ZNF71: variants seen among roughly 807,000 people sequenced by gnomAD.
ZNF71 encodes the protein zinc finger protein 71, also known as endothelial zinc finger protein induced by tumor necrosis factor alpha.
A neutral mutation model predicts 6.7 loss-of-function variants in ZNF71; 3 were observed. That is an observed-to-expected ratio of 0.45 (90% CI 0.20 to 1.16). The LOEUF (loss-of-function observed/expected upper bound fraction) is 1.16, where lower values mean the gene tolerates loss of function less well. Among genes scored for constraint, ZNF71 ranks in the 50% most tolerant of loss-of-function variants. The pLI is 0.25. For missense variants in ZNF71, 688 were observed against 728.6 expected (o/e 0.94, Z 0.64); for synonymous variants, 343 against 311.1 (o/e 1.10, Z -1.08).
Position 56,597,105 on chromosome 19 carries a change from C to T in ZNF71, c.-53+1677C>T, listed in dbSNP as rs765128521. ...TTTTGTTATTTCATTAATAGGAAGA[C>T]AAATGTAATCTAGGCTGGATTAGAT... is the stretch of plus-strand genomic sequence containing the variant. On this transcript the variant is annotated intron_variant, in intron 1 of 3. Coordinates refer to ENST00000599599, the MANE Select transcript of ZNF71 (RefSeq NM_001370215.1). Among the ~76,000 whole-genome samples, 8 of 152,160 alleles carry T rather than the reference C, an allele frequency of 5.3e-5. No individual in the cohort carries two copies. In the South Asian group the frequency reaches 6.2e-4, roughly 12 times the overall value.
intron 1 of ZNF71, among the ~76,000 whole-genome samples, chr19:56,595,670 G>A (rs757197417): frequency 3.9e-5 from 6 of 152,152 alleles, no homozygotes; most frequent in Non-Finnish European, 8.8e-5. Flanking sequence ...CCATCCTGGG[G>A]GGAAGGTGGC....
In ZNF71 at chr19:56,616,673, TC is replaced by T. The variant is rs1388785359; in HGVS notation, c.160+2737del. ...TAGTCTGCTAAATACTGGAGGGAGT[TC>T]CTTGCAGGTCTTCAGAACACTGTGC... On this transcript the variant is annotated intron_variant, in intron 3 of 3. Transcript: ENST00000599599. 2.0e-5 allele frequency among the ~76,000 whole-genome samples: 3 copies of T among 152,208 alleles called. No individual in the cohort carries two copies. The East Asian group carries it at 5.8e-4, about 29-fold the overall frequency.
In ZNF71 at chr19:56,622,388, C is replaced by G. The variant is rs2044865518; in HGVS notation, c.1281C>G (p.Ser427=). The G allele has an allele frequency of 6.2e-7, 1 of 1,613,490 alleles. No homozygotes were observed. Among genetic ancestry groups the G allele is most frequent in the East Asian group, 2.2e-5 (1 of 44,724 alleles). The part of the protein sequence containing the change: ...SECGKAFSKN[S]SLTQHQRIHT... ...GCGGCAAGGCCTTCAGCAAGAACTC[C>G]TCGCTCACGCAGCACCAGCGCATCC... Residue 427 remains serine, a synonymous_variant, in exon 4 of 4, where the codon TCC becomes TCG. Transcript: ENST00000599599.
intron 2 of ZNF71, among the ~76,000 whole-genome samples, chr19:56,608,326 T>C (rs553521431): frequency 1.3e-5 from 2 of 152,258 alleles, no homozygotes; most frequent in South Asian, 4.1e-4. Flanking sequence ...CACAAGTCTC[T>C]ATAAATTTGA....
chr19:56,620,148 C>G (rs911562657), intron 3 of ZNF71, among the ~76,000 whole-genome samples: 2 of 152,128 alleles, frequency 1.3e-5, no homozygotes, highest in African/African-American at 2.4e-5. Flanking sequence ...TGTATGAACA[C>G]TTAGTGCTGA....
chr19:56,621,669 A>C lies in ZNF71; in HGVS notation c.562A>C (p.Lys188Gln), dbSNP rs1445007400. 3 of 1,614,198 alleles carry C rather than the reference A, an allele frequency of 1.9e-6. No homozygotes were observed. Among genetic ancestry groups the C allele is most frequent in the Non-Finnish European group, 2.5e-6 (3 of 1,180,042 alleles). ...SKPPMPCEEK[K>Q]TYDCSECGKA... ...GCCCCCCATGCCCTGCGAGGAGAAG[A>C]AAACCTACGACTGCAGCGAGTGTGG... The change falls in exon 4 of 4, where the codon AAA becomes CAA. Residue 188 changes from lysine (K) to glutamine (Q), a missense_variant. Coordinates refer to ENST00000599599, the MANE Select transcript of ZNF71 (RefSeq NM_001370215.1).
chr19:56,624,451 T>C lies in ZNF71; in HGVS notation c.*1694T>C, dbSNP rs1237228954. The C allele has an allele frequency of 5.3e-5, 8 of 152,234 alleles. No homozygotes were observed. The highest frequency in any genetic ancestry group is 2.0e-4 in the Admixed American group (3 of 15,284). 9.4% of individuals were successfully genotyped at this position (152,234 alleles called of 1,614,324 possible). A position where few individuals can be genotyped will look rare whatever the true frequency, so the allele number is the denominator to read the frequency against. On this transcript the variant is annotated 3_prime_UTR_variant, in exon 4 of 4. Transcript: ENST00000599599. ...GATCAGACATTGCTTTAGTTGCATC[T>C]GTTGTGGGAATAAATGAGAATATGT...
rs1199293681 is a variant in ZNF71, at chr19:56,618,123, A to T, written c.161-3145A>T. 6.6e-6 allele frequency among the ~76,000 whole-genome samples: 1 copy of T among 152,176 alleles called. No homozygotes were observed. Among genetic ancestry groups the T allele is most frequent in the Non-Finnish European group, 1.5e-5 (1 of 68,030 alleles). On this transcript the variant is annotated intron_variant, in intron 3 of 3. Transcript: ENST00000599599. This position sits in a 1 kb window ranked among gnomAD's most constrained non-coding sequence, Gnocchi z 4.6. ...CATTCTCCTGCATGAAGTATTTCTC[A>T]GTTCTTTTCCTCTGAGATGGGAAAA...
chr19:56,613,254 C>A lies in ZNF71; in HGVS notation c.34-558C>A, dbSNP rs893984071. Among the ~76,000 whole-genome samples the A allele has an allele frequency of 6.6e-6, 1 of 152,230 alleles. No individual in the cohort carries two copies. Among genetic ancestry groups the A allele is most frequent in the African/African-American group, 2.4e-5 (1 of 41,460 alleles). On this transcript the variant is annotated intron_variant, in intron 2 of 3. Transcript: ENST00000599599. This position sits in a 1 kb window ranked among gnomAD's most constrained non-coding sequence, Gnocchi z 4.6. ...AACCACCAGTTCTCTTCACAGACTA[C>A]TCAAAGTCTTCCTGGGCACCCCCCA...
At position 56,618,028 on chromosome 19, in the gene ZNF71, C is replaced by A. The variant is rs1211857947; in HGVS notation, c.161-3240C>A. Reference sequence around the variant, plus strand: ...CAGTCTTCTCTCCACCGAGTCTACACCCCACACTACCATCTGTGCCAGCAT... The same window carrying A: ...CAGTCTTCTCTCCACCGAGTCTACAACCCACACTACCATCTGTGCCAGCAT... On this transcript the variant is annotated intron_variant, in intron 3 of 3. Coordinates refer to ENST00000599599, the MANE Select transcript of ZNF71 (RefSeq NM_001370215.1). The surrounding 1 kb of genome is among the most constrained non-coding windows in gnomAD (Gnocchi z 4.6). Among the ~76,000 whole-genome samples the A allele has an allele frequency of 1.3e-5, 2 of 152,194 alleles. No individual in the cohort carries two copies. The highest frequency in any genetic ancestry group is 1.3e-4 in the Admixed American group (2 of 15,280).
At chr19:56,617,008 G>T (rs2044798134) in intron 3 of ZNF71, among the ~76,000 whole-genome samples, 1 of 152,124 alleles carries the variant, frequency 6.6e-6, no homozygotes, top group Non-Finnish European at 1.5e-5. Flanking sequence ...CCATTTGGGG[G>T]AAAAATGTGT....
intron 2 of ZNF71, among the ~76,000 whole-genome samples, chr19:56,601,889 A>G (rs1341150776): frequency 1.3e-5 from 2 of 152,178 alleles, no homozygotes; most frequent in Non-Finnish European, 2.9e-5. Context: ...GCGCAGGACC[A>G]TGCTGGATGT....
Position 56,603,053 on chromosome 19 carries a change from CT to C in ZNF71, c.33+1464del, listed in dbSNP as rs1310171106. Among the ~76,000 whole-genome samples, 2 of 152,120 alleles carry C rather than the reference CT, an allele frequency of 1.3e-5. No homozygotes were observed. Among genetic ancestry groups the C allele is most frequent in the African/African-American group, 4.8e-5 (2 of 41,422 alleles). ...ATTTGGGAGCTTTGGTTTATTCTGT[CT>C]TCATTTGTTTGGTACCTTTGTTGAG... On this transcript the variant is annotated intron_variant, in intron 2 of 3. Coordinates refer to ENST00000599599, the MANE Select transcript of ZNF71 (RefSeq NM_001370215.1). The surrounding 1 kb of genome is among the most constrained non-coding windows in gnomAD (Gnocchi z 4.6).
At chr19:56,596,554 T>G (rs2044626594) in intron 1 of ZNF71, among the ~76,000 whole-genome samples, 1 of 152,150 alleles carries the variant, frequency 6.6e-6, no homozygotes, top group Non-Finnish European at 1.5e-5. Context: ...AGGATCTTCT[T>G]AAAGTGGGAT....
In ZNF71 at chr19:56,603,426, A is replaced by G. The variant is rs1401011732; in HGVS notation, c.33+1835A>G. On this transcript the variant is annotated intron_variant, in intron 2 of 3. Coordinates refer to ENST00000599599, the MANE Select transcript of ZNF71 (RefSeq NM_001370215.1). This position sits in a 1 kb window ranked among gnomAD's most constrained non-coding sequence, Gnocchi z 4.6. ...TCATTCCTTTTTTTGACTGAATAAT[A>G]TTCCAGTGTGTGTTTCTACATATTT... Among the ~76,000 whole-genome samples the G allele has an allele frequency of 2.0e-5, 3 of 152,218 alleles. No individual in the cohort carries two copies. The highest frequency in any genetic ancestry group is 7.2e-5 in the African/African-American group (3 of 41,458).
At chr19:56,617,116 T>TTTTG (rs1555776031) in intron 3 of ZNF71, among the ~76,000 whole-genome samples, 4 of 144,600 alleles carry the variant, frequency 2.8e-5, no homozygotes, top group Admixed American at 1.4e-4. Flanking sequence ...TCTTTTGTTT[T>TTTTG]TTTTTGTTTT....
At chr19:56,617,275 T>C (rs1429738027) in intron 3 of ZNF71, among the ~76,000 whole-genome samples, 2 of 152,138 alleles carry the variant, frequency 1.3e-5, no homozygotes, top group East Asian at 3.9e-4. Context: ...CACACCCAGC[T>C]AATTCTTGTA....
intron 3 of ZNF71, among the ~76,000 whole-genome samples, chr19:56,620,554 C>A (rs1447825250): frequency 2.6e-5 from 4 of 151,726 alleles, no homozygotes; most frequent in African/African-American, 9.7e-5. Context: ...TTTTAAGAGA[C>A]AGGGTCTCAC....
intron 1 of ZNF71, among the ~76,000 whole-genome samples, chr19:56,599,702 T>G (rs1248407198): frequency 2.6e-5 from 4 of 151,466 alleles, no homozygotes; most frequent in African/African-American, 4.8e-5. Context: ...TTTTGTTTTT[T>G]TTTTTTTTTG....
Sources: gnomAD v4.1 joint callset for allele counts (sites outside exome capture counted in the v4.1 genomes callset) on GRCh38, gnomAD v4.1.1 for gene constraint, Gnocchi (gnomAD v3.1) non-coding constraint, MANE v1.5 for transcripts, NCBI Gene and HGNC (gene_info 2026-07-23, HGNC 2026-07-21) for gene names.